Variants in RBFOX1 observed in about 807,000 individuals in gnomAD.
RBFOX1 encodes RNA binding fox-1 homolog 1.
RBFOX1 carries 8 observed loss-of-function variants against 57.7 expected under a neutral mutation model. That is an observed-to-expected ratio of 0.14 (90% CI 0.08 to 0.25). The LOEUF (loss-of-function observed/expected upper bound fraction) is 0.25. Among genes scored for constraint, RBFOX1 ranks in the 10% least tolerant of loss-of-function variants. The pLI is 1.00. For missense variants in RBFOX1, 611 were observed against 548.5 expected (o/e 1.11, Z -1.14); for synonymous variants, 326 against 222.4 (o/e 1.47, Z -4.15).
rs1271420626 is a variant in RBFOX1, at chr16:5,511,451, T to C, written c.258+44197T>C. Among the ~76,000 whole-genome samples the C allele has an allele frequency of 2.0e-5, 3 of 152,184 alleles. No homozygotes were observed. The East Asian group carries it at 5.8e-4, about 29-fold the overall frequency. On this transcript the variant is annotated intron_variant, in intron 2 of 2. Transcript: ENST00000585867. The stretch of plus-strand genomic sequence containing the variant: ...TTGTCCTTTGTCGATAAGTCAAGAC[T>C]AGTCAGATAATAGCTATTGTTTATT...
chr16:5,914,540 T>C (rs1267408358), intron 4 of RBFOX1, among the ~76,000 whole-genome samples: 4 of 152,044 alleles, frequency 2.6e-5, no homozygotes, highest in African/African-American at 9.7e-5. Context: ...GGACTCTCTG[T>C]AGACTGCTTG....
chr16:6,145,216 G>T (rs1246328924), intron 1 of RBFOX1, among the ~76,000 whole-genome samples: 4 of 152,044 alleles, frequency 2.6e-5, no homozygotes, highest in African/African-American at 9.7e-5. Flanking sequence ...GGCCCTGGGT[G>T]TGTTGTTCCC....
upstream of RBFOX1, among the ~76,000 whole-genome samples, chr16:6,015,860 C>T (rs1021731716): frequency 2.0e-5 from 3 of 152,328 alleles, no homozygotes; most frequent in East Asian, 5.8e-4. Flanking sequence ...ATTTATGTGT[C>T]TGCATATGCT....
At chr16:7,676,268 A>G (rs2073236172) in intron 13 of RBFOX1, among the ~76,000 whole-genome samples, 1 of 152,230 alleles carries the variant, frequency 6.6e-6, no homozygotes, top group African/African-American at 2.4e-5. Context: ...TGGTTTAACA[A>G]CCAGATAGGT....
chr16:6,979,801 C>G (rs935387717), intron 3 of RBFOX1, among the ~76,000 whole-genome samples: 2 of 152,180 alleles, frequency 1.3e-5, no homozygotes, highest in African/African-American at 4.8e-5. Flanking sequence ...CCACCCTTTT[C>G]TCCTGCCTAC....
intron 2 of RBFOX1, among the ~76,000 whole-genome samples, chr16:6,540,956 C>T (rs1334679456): frequency 1.3e-5 from 2 of 152,140 alleles, no homozygotes; most frequent in Non-Finnish European, 2.9e-5. Context: ...GAGGAAATTC[C>T]TGCCAGAACC....
intron 5 of RBFOX1, among the ~76,000 whole-genome samples, chr16:7,559,161 G>A (rs1338106236): frequency 6.6e-6 from 1 of 152,200 alleles, no homozygotes; most frequent in African/African-American, 2.4e-5. Flanking sequence ...GGGCAGGGCT[G>A]AATGGAAAAG....
intron 5 of RBFOX1, among the ~76,000 whole-genome samples, chr16:7,532,473 G>A (rs1164828890): frequency 6.6e-6 from 1 of 152,192 alleles, no homozygotes; most frequent in Non-Finnish European, 1.5e-5. Flanking sequence ...TGACAGAGAA[G>A]ACCAGAGGGG....
intron 3 of RBFOX1, among the ~76,000 whole-genome samples, chr16:6,892,523 A>T (rs1369689083): frequency 6.6e-6 from 1 of 152,070 alleles, no homozygotes; most frequent in East Asian, 1.9e-4. Context: ...TACAAAAATT[A>T]GCTGCGCATG....
intron 3 of RBFOX1, among the ~76,000 whole-genome samples, chr16:6,796,516 T>C (rs1245292249): frequency 6.6e-6 from 1 of 152,208 alleles, no homozygotes; most frequent in African/African-American, 2.4e-5. Flanking sequence ...TCATCCACTG[T>C]AAATAACAGA....
chr16:6,285,646 G>A (rs577748938), intron 1 of RBFOX1, among the ~76,000 whole-genome samples: 3 of 152,232 alleles, frequency 2.0e-5, no homozygotes, highest in African/African-American at 7.2e-5. Context: ...TGACCATCAC[G>A]TTGGCTTGAA....
At chr16:7,456,879 G>A (rs1005710758) in intron 4 of RBFOX1, among the ~76,000 whole-genome samples, 6 of 150,042 alleles carry the variant, frequency 4.0e-5, no homozygotes, top group Non-Finnish European at 7.4e-5. Context: ...TCTTCCACTC[G>A]GAAGGTGTAC....
chr16:6,941,309 TCCTTCCTTC>T (rs2078453905), intron 3 of RBFOX1, among the ~76,000 whole-genome samples: 1 of 33,568 alleles, frequency 3.0e-5, no homozygotes, highest in South Asian at 1.3e-3. Context: ...CCTCCTTCCT[TCCTTCCTTC>T]CTTCCTTCCT....
intron 12 of RBFOX1, 150 bp downstream of exon 12, chr16:7,654,097 G>A: frequency 1.3e-6 from 1 of 769,650 alleles, no homozygotes; most frequent in South Asian, 1.9e-5. Context: ...CGCACCTGCA[G>A]TGGAGCACCT....
chr16:5,682,561 T>C (rs1161909683), intron 3 of RBFOX1, among the ~76,000 whole-genome samples: 1 of 152,194 alleles, frequency 6.6e-6, no homozygotes, highest in Admixed American at 6.5e-5. Context: ...ATTAGTGTGA[T>C]TACTTTAAAT....
Position 5,724,104 on chromosome 16 carries a change from G to A in RBFOX1, c.318+125143G>A, listed in dbSNP as rs186205125. On this transcript the variant is annotated intron_variant, in intron 3 of 19. Coordinates refer to the RBFOX1 transcript ENST00000641259. Reference sequence around the variant, plus strand: ...GAATGCTTCTCACCAATTTTGTGGTGGAGTGACAGATGTTGTGACTGGAAC... The same window carrying A: ...GAATGCTTCTCACCAATTTTGTGGTAGAGTGACAGATGTTGTGACTGGAAC... Among the ~76,000 whole-genome samples the A allele has an allele frequency of 9.7e-4, 148 of 152,270 alleles. 2 individuals carry two copies. Among genetic ancestry groups the A allele is most frequent in the African/African-American group, 3.2e-3 (133 of 41,544 alleles).
chr16:6,599,303 T>G (rs751113418), intron 2 of RBFOX1, among the ~76,000 whole-genome samples: 5 of 152,194 alleles, frequency 3.3e-5, no homozygotes, highest in Non-Finnish European at 7.3e-5. Flanking sequence ...TGAATCCATT[T>G]TAAATTTGCA....
chr16:7,387,268 G>C (rs1473490120), intron 4 of RBFOX1, among the ~76,000 whole-genome samples: 4 of 152,100 alleles, frequency 2.6e-5, no homozygotes, highest in Non-Finnish European at 5.9e-5. Flanking sequence ...TATAGGATTA[G>C]TAATAAATTC....
At chr16:5,679,675 C>T (rs909853647) in intron 3 of RBFOX1, among the ~76,000 whole-genome samples, 1 of 152,132 alleles carries the variant, frequency 6.6e-6, no homozygotes, top group African/African-American at 2.4e-5. Flanking sequence ...AAGTCCTCTA[C>T]CCAATTATTA....
Sources: gnomAD v4.1 joint callset for allele counts (sites outside exome capture counted in the v4.1 genomes callset) on GRCh38, gnomAD v4.1.1 for gene constraint, MANE v1.5 for transcripts, NCBI Gene and HGNC (gene_info 2026-07-23, HGNC 2026-07-21) for gene names.